Variants in PVALB observed in about 807,000 individuals in gnomAD.
PVALB encodes parvalbumin.
PVALB carries 11 observed loss-of-function variants against 10.9 expected under a neutral mutation model. The ratio of observed to expected loss-of-function variants is 1.01; its 90% CI spans 0.63 to 1.67. The LOEUF (loss-of-function observed/expected upper bound fraction) is 1.67. Among genes scored for constraint, PVALB ranks in the 40% most tolerant of loss-of-function variants. The pLI is 0.00. For synonymous variants in PVALB, 57 were observed against 50.7 expected, an observed-to-expected ratio of 1.12 and a Z score of -0.53; for missense variants, 131 against 136.2, an observed-to-expected ratio of 0.96 and a Z score of 0.19.
intron 2 of PVALB, among the ~76,000 whole-genome samples, chr22:36,814,366 T>C (rs1939100156): frequency 6.6e-6 from 1 of 151,966 alleles, no homozygotes; most frequent in South Asian, 2.1e-4. Flanking sequence ...AGACAGAAGG[T>C]ACCCTTGTGA....
At chr22:36,807,470 C>T (rs1177231384) in intron 3 of PVALB, among the ~76,000 whole-genome samples, 1 of 152,220 alleles carries the variant, frequency 6.6e-6, no homozygotes, top group Non-Finnish European at 1.5e-5. Context: ...ACGGCAAATT[C>T]TCCTTCTATC....
Position 36,816,983 on chromosome 22 carries a change from T to C in PVALB, c.23A>G (p.Asn8Ser), listed in dbSNP as rs1175252095. Residue 8 changes from asparagine to serine, a missense_variant, in exon 1 of 4, where the codon AAC becomes AGC. Physicochemically the swap from Asn to Ser is conservative, Grantham distance 46. Coordinates refer to ENST00000417718, the MANE Select transcript of PVALB (RefSeq NM_001315532.2). MSMTDLL[N>S]AEDIKKAVGA... ...CACCGCCTTCTTGATGTCCTCAGCG[T>C]TCAGCAAGTCTGTCATCGACATCCT... 1 of 1,609,812 alleles carries C rather than the reference T, an allele frequency of 6.2e-7. No individual in the cohort carries two copies. Among genetic ancestry groups the C allele is most frequent in the Non-Finnish European group, 8.5e-7 (1 of 1,178,820 alleles).
chr22:36,818,079 TG>T (rs1478776563), upstream of PVALB, among the ~76,000 whole-genome samples: 1 of 152,172 alleles, frequency 6.6e-6, no homozygotes, highest in Non-Finnish European at 1.5e-5. Context: ...TGCAACCAGC[TG>T]CTTCTAGAGT....
Position 36,810,673 on chromosome 22 carries a change from G to A in PVALB, c.304+2973C>T, listed in dbSNP as rs182150649. ...TACATCTGCACTTATGTCCTCTGTT[G>A]TCCCAAGGTCAAATGAGGTAACCAA... is the stretch of plus-strand genomic sequence containing the variant. On this transcript the variant is annotated intron_variant, in intron 3 of 3. Transcript: ENST00000417718. 6.4e-4 allele frequency among the ~76,000 whole-genome samples: 98 copies of A among 152,298 alleles called. 1 individual carries two copies. Among genetic ancestry groups the A allele is most frequent in the Admixed American group, 2.1e-3 (32 of 15,300 alleles).
intron 2 of PVALB, 53 bp downstream of exon 2, chr22:36,815,050 C>A (rs187628870): frequency 1.1e-5 from 17 of 1,607,232 alleles, no homozygotes; most frequent in Non-Finnish European, 1.4e-5. Flanking sequence ...TCCCAGCCCC[C>A]ACTCCCTCTC....
At chr22:36,809,853 A>G (rs1369848664) in intron 3 of PVALB, among the ~76,000 whole-genome samples, 1 of 68,266 alleles carries the variant, frequency 1.5e-5, no homozygotes, top group Non-Finnish European at 3.8e-5. Context: ...CCCATGTCCC[A>G]TGTTTTTTTT....
At chr22:36,808,329 G>T (rs1282360816) in intron 3 of PVALB, among the ~76,000 whole-genome samples, 2 of 152,166 alleles carry the variant, frequency 1.3e-5, no homozygotes, top group African/African-American at 4.8e-5. Context: ...GATTCCTGTT[G>T]GTCAACACAC....
intron 3 of PVALB, among the ~76,000 whole-genome samples, chr22:36,812,036 A>C (rs73156262): frequency 0.25 from 37,011 of 150,008 alleles, 4,770 homozygotes; most frequent in Non-Finnish European, 0.29. Context: ...ACAACAACAA[A>C]AAAAACCCTC....
chr22:36,813,325 A>T (rs1354548929), intron 3 of PVALB: 1 of 261,146 alleles, frequency 3.8e-6, no homozygotes, highest in African/African-American at 2.2e-5. Context: ...CAGTTTGGGC[A>T]GAGGTTGGGC....
At chr22:36,806,744 G>A (rs886439844) in intron 3 of PVALB, among the ~76,000 whole-genome samples, 1 of 152,178 alleles carries the variant, frequency 6.6e-6, no homozygotes, top group Non-Finnish European at 1.5e-5. Flanking sequence ...GGCTCACTCT[G>A]TACCAGGCAC....
At chr22:36,803,965 C>A (rs1938912180) in intron 3 of PVALB, among the ~76,000 whole-genome samples, 1 of 152,210 alleles carries the variant, frequency 6.6e-6, no homozygotes, top group Admixed American at 6.5e-5. Flanking sequence ...AGTGTCCCAG[C>A]TCAGGCAGAA....
At chr22:36,812,350 C>A (rs1939059426) in intron 3 of PVALB, among the ~76,000 whole-genome samples, 1 of 152,090 alleles carries the variant, frequency 6.6e-6, no homozygotes, top group African/African-American at 2.4e-5. Flanking sequence ...ATGAATGCAA[C>A]CCAATCCCTA....
intron 3 of PVALB, among the ~76,000 whole-genome samples, chr22:36,801,673 G>A (rs1308549195): frequency 6.6e-6 from 1 of 152,184 alleles, no homozygotes; most frequent in African/African-American, 2.4e-5. Flanking sequence ...GGTGGCGGAC[G>A]CCTGTAATCC....
At chr22:36,818,855 C>T (rs1478718666), upstream of PVALB, 2 of 152,384 alleles carry the variant, frequency 1.3e-5, no homozygotes, top group Non-Finnish European at 2.9e-5. Flanking sequence ...GTGATCCTCC[C>T]TGGTGCCTGG....
chr22:36,804,893 C>A (rs2145946265), intron 3 of PVALB, among the ~76,000 whole-genome samples: 1 of 152,274 alleles, frequency 6.6e-6, no homozygotes, highest in Non-Finnish European at 1.5e-5. Context: ...AAGATCACAC[C>A]ACTGCACTCC....
chr22:36,816,771 G>T (rs1262611865), intron 1 of PVALB, among the ~76,000 whole-genome samples, 174 bp downstream of exon 1: 1 of 152,176 alleles, frequency 6.6e-6, no homozygotes. Context: ...AGCCTCGCCC[G>T]GACAGAGTTT....
chr22:36,810,789 A>T (rs946566376), intron 3 of PVALB, among the ~76,000 whole-genome samples: 2 of 152,214 alleles, frequency 1.3e-5, no homozygotes, highest in African/African-American at 4.8e-5. Flanking sequence ...CCCTTTCTGA[A>T]CATACCCAAA....
chr22:36,813,844 T>A (rs1239763136), intron 2 of PVALB, 89 bp from the exon 3 acceptor site: 4 of 996,778 alleles, frequency 4.0e-6, no homozygotes, highest in Non-Finnish European at 6.4e-6. Flanking sequence ...GGTTTCTGTA[T>A]GGGGAAAGGG....
chr22:36,809,691 C>T lies in PVALB; in HGVS notation c.304+3955G>A, dbSNP rs80230870. ...CACGGTGCCTGGCACATATTGAGCG[C>T]TCTATGAACTTAGATGCTATTGCCA... On this transcript the variant is annotated intron_variant, in intron 3 of 3. Transcript: ENST00000417718. Among the ~76,000 whole-genome samples the T allele has an allele frequency of 6.8e-3, 1,031 of 152,186 alleles. 9 individuals are homozygous for T. The highest frequency in any genetic ancestry group is 0.022 in the African/African-American group (932 of 41,514).
Sources: gnomAD v4.1 joint callset for allele counts (sites outside exome capture counted in the v4.1 genomes callset) on GRCh38, gnomAD v4.1.1 for gene constraint, MANE v1.5 for transcripts, NCBI Gene and HGNC (gene_info 2026-07-23, HGNC 2026-07-21) for gene names.